COL4A4: variants seen among roughly 807,000 people sequenced by gnomAD.
COL4A4 encodes collagen alpha-4(IV) chain.
Under a neutral mutation model 192.9 loss-of-function variants are expected in COL4A4, and 105 were observed. The observed-to-expected ratio is 0.54, with a 90% CI of 0.46 to 0.64. The LOEUF is 0.64. Among genes scored for constraint, COL4A4 ranks in the 30% least tolerant of loss-of-function variants. The pLI is 0.00. For missense variants in COL4A4, 1,967 were observed against 2,169.3 expected, an observed-to-expected ratio of 0.91 and a Z score of 1.85; for synonymous variants, 762 against 769.9, an observed-to-expected ratio of 0.99 and a Z score of 0.17.
At chr2:227,026,392 G>A (rs751130525) in intron 42 of COL4A4, among the ~76,000 whole-genome samples, 2 of 151,984 alleles carry the variant, frequency 1.3e-5, no homozygotes, top group African/African-American at 2.4e-5. Context: ...CAGCTACTCC[G>A]GAGGCTGAGG....
the COL4A4 span, chr2:226,995,817 C>T: frequency 5.2e-6 from 2 of 384,158 alleles, no homozygotes; most frequent in Middle Eastern, 7.1e-4. Context: ...GCCTCTGCCT[C>T]GGTCTGCTTT....
chr2:226,992,378 G>A, the COL4A4 span, among the ~76,000 whole-genome samples: 1 of 152,206 alleles, frequency 6.6e-6, no homozygotes. Context: ...GTAGTTTTCA[G>A]AGTTGGAAAC....
In COL4A4 at chr2:227,103,317, A is replaced by G. The variant is rs7601500; in HGVS notation, c.817-120T>C. On this transcript the variant is annotated intron_variant, in intron 13 of 47. Transcript: ENST00000396625. ...TCACCTTAAAAAAAAAAATCTTAAGAGATTACTCTTCACCTGTTCTAATTA... is the reference window on the plus strand; with the variant it reads ...TCACCTTAAAAAAAAAAATCTTAAGGGATTACTCTTCACCTGTTCTAATTA... The G allele has an allele frequency of 4.9e-3, 3,884 of 785,458 alleles. 110 individuals are homozygous for G. The African/African-American group carries it at 0.061, about 12-fold the overall frequency. The allele number at this position is 785,458 out of a possible 1,614,324, so 48.7% of individuals were successfully genotyped here. A position where few individuals can be genotyped will look rare whatever the true frequency, so the allele number is the denominator to read the frequency against.
chr2:226,970,720 G>C, the COL4A4 span, among the ~76,000 whole-genome samples: 1 of 152,092 alleles, frequency 6.6e-6, no homozygotes, highest in South Asian at 2.1e-4. Context: ...TTTTTTATTT[G>C]ATTCTCAAAA....
At chr2:227,045,603 C>G (rs578044017) in intron 35 of COL4A4, among the ~76,000 whole-genome samples, 5 of 151,196 alleles carry the variant, frequency 3.3e-5, no homozygotes, top group Non-Finnish European at 7.4e-5. Flanking sequence ...AACTCTGTCT[C>G]TACCAAAAAT....
At chr2:227,152,116 G>T (rs1486873971) in intron 1 of COL4A4, among the ~76,000 whole-genome samples, 1 of 152,198 alleles carries the variant, frequency 6.6e-6, no homozygotes, top group African/African-American at 2.4e-5. Flanking sequence ...GAGCTGGCAG[G>T]TTCCTGTTCT....
intron 7 of COL4A4, among the ~76,000 whole-genome samples, chr2:227,117,029 A>C (rs986246078): frequency 3.5e-4 from 54 of 152,198 alleles, no homozygotes; most frequent in African/African-American, 1.2e-3. Flanking sequence ...TCATTTCCTT[A>C]TATAACTGGC....
At chr2:226,986,608 A>G in the COL4A4 span, among the ~76,000 whole-genome samples, 1 of 152,270 alleles carries the variant, frequency 6.6e-6, no homozygotes, top group African/African-American at 2.4e-5. Flanking sequence ...CATTAGAGAA[A>G]TGCAAATCAA....
rs2059727855 is a variant in COL4A4, at chr2:227,088,589, G to A, written c.1623+64C>T. Reference sequence around the variant, plus strand: ...AGTCTTGGGTAGTATCTTTATGGTAGTGTGAAAACAGACTAATACCATGTC... The same window carrying A: ...AGTCTTGGGTAGTATCTTTATGGTAATGTGAAAACAGACTAATACCATGTC... On this transcript the variant is annotated intron_variant, in intron 22 of 47. Transcript: ENST00000396625. 8.3e-6 allele frequency: 13 copies of A among 1,571,674 alleles called. No homozygotes were observed. In the South Asian group the frequency reaches 1.0e-4, roughly 12 times the overall value.
chr2:226,976,425 A>G, the COL4A4 span, among the ~76,000 whole-genome samples: 557 of 151,846 alleles, frequency 3.7e-3, 1 homozygote, highest in African/African-American at 0.013. Context: ...CAATATAGTA[A>G]CAATTTGTTG....
At chr2:227,029,376 T>C (rs1967771237) in intron 41 of COL4A4, among the ~76,000 whole-genome samples, 1 of 152,232 alleles carries the variant, frequency 6.6e-6, no homozygotes, top group African/African-American at 2.4e-5. Context: ...TACTTACCCA[T>C]AGATTTGAGC....
chr2:227,090,614 C>T (rs1338404960), intron 20 of COL4A4, among the ~76,000 whole-genome samples: 3 of 151,484 alleles, frequency 2.0e-5, no homozygotes, highest in South Asian at 2.1e-4. Flanking sequence ...TAGCCAGCCA[C>T]GGTGGTGCGT....
intron 1 of COL4A4, among the ~76,000 whole-genome samples, chr2:227,161,722 C>A (rs1316278691): frequency 6.6e-6 from 1 of 152,064 alleles, no homozygotes; most frequent in Non-Finnish European, 1.5e-5. Flanking sequence ...CAGAGTGAGA[C>A]CAGAGACTCT....
chr2:227,052,279 A>G, intron 32 of COL4A4, 26 bp downstream of exon 32: 2 of 1,301,694 alleles, frequency 1.5e-6, no homozygotes, highest in Non-Finnish European at 2.2e-6. Context: ...CTTATTTGAT[A>G]TGGTTAAAAA....
intron 45 of COL4A4, 71 bp from the exon 46 acceptor site, chr2:227,010,572 T>C: frequency 7.7e-7 from 1 of 1,304,136 alleles, no homozygotes; most frequent in Non-Finnish European, 1.0e-6. Flanking sequence ...TAAGCACCTC[T>C]GTTCTGGCAC....
intron 12 of COL4A4, among the ~76,000 whole-genome samples, chr2:227,107,140 T>C (rs897360108): frequency 6.6e-6 from 1 of 152,186 alleles, no homozygotes; most frequent in Non-Finnish European, 1.5e-5. Flanking sequence ...TTTTGGTATA[T>C]TTTCATTCAG....
downstream of COL4A4, among the ~76,000 whole-genome samples, chr2:227,001,349 A>G (rs1386239444): frequency 1.3e-5 from 2 of 151,652 alleles, no homozygotes; most frequent in Non-Finnish European, 2.9e-5. Flanking sequence ...CACCTTGGAC[A>G]TGGCTGGTTT....
chr2:227,091,922 G>GAAAAGA (rs5839192), intron 20 of COL4A4, among the ~76,000 whole-genome samples: 4,366 of 60,106 alleles, frequency 0.073, 96 homozygotes, highest in African/African-American at 0.1. Context: ...AAGAAAGAAA[G>GAAAAGA]AAAGAAAAGA....
At chr2:227,080,227 G>A in intron 24 of COL4A4, among the ~76,000 whole-genome samples, 1 of 152,166 alleles carries the variant, frequency 6.6e-6, no homozygotes, top group East Asian at 1.9e-4. Flanking sequence ...AGTCCTGCTA[G>A]GACTGAACTG....
Sources: allele counts gnomAD v4.1 joint callset (sites outside exome capture counted in the v4.1 genomes callset), GRCh38; gene constraint gnomAD v4.1.1; transcripts MANE v1.5; gene names NCBI Gene and HGNC (gene_info 2026-07-23, HGNC 2026-07-21).